The following LRRTM4 variants were observed in gnomAD, a reference collection of about 807,000 sequenced individuals.
The protein encoded by LRRTM4 is leucine-rich repeat transmembrane neuronal protein 4.
A neutral mutation model predicts 47.6 loss-of-function variants in LRRTM4; 25 were observed. That is an observed-to-expected ratio of 0.53 (90% CI 0.38 to 0.73). LRRTM4 has a LOEUF of 0.73. Among genes scored for constraint, LRRTM4 ranks in the 30% least tolerant of loss-of-function variants. The pLI is 0.00. For missense variants in LRRTM4, 638 were observed against 713.4 expected, an observed-to-expected ratio of 0.89 and a Z score of 1.20; for synonymous variants, 311 against 269.5, an observed-to-expected ratio of 1.15 and a Z score of -1.51.
At chr2:77,204,766 C>A (rs895859101) in intron 3 of LRRTM4, among the ~76,000 whole-genome samples, 1 of 152,128 alleles carries the variant, frequency 6.6e-6, no homozygotes, top group Admixed American at 6.6e-5. Flanking sequence ...AACTTATGTC[C>A]TACACCAGGC....
intron 3 of LRRTM4, among the ~76,000 whole-genome samples, chr2:76,912,855 C>A (rs1262136925): frequency 6.6e-6 from 1 of 152,178 alleles, no homozygotes; most frequent in Non-Finnish European, 1.5e-5. Flanking sequence ...CTAGCTCACC[C>A]TTTGCCTTCC....
intron 3 of LRRTM4, among the ~76,000 whole-genome samples, chr2:76,956,689 C>T (rs1352140312): frequency 6.7e-6 from 1 of 149,790 alleles, no homozygotes; most frequent in Non-Finnish European, 1.5e-5. Flanking sequence ...AATCAGTTGA[C>T]AAACCTTTAG....
chr2:77,206,517 C>T (rs1170628118), intron 3 of LRRTM4, among the ~76,000 whole-genome samples: 1 of 151,870 alleles, frequency 6.6e-6, no homozygotes, highest in Non-Finnish European at 1.5e-5. Context: ...CAGAGTCTCG[C>T]ACAGTCACCC....
intron 3 of LRRTM4, among the ~76,000 whole-genome samples, chr2:77,385,447 A>G (rs1286945486): frequency 6.6e-6 from 1 of 152,120 alleles, no homozygotes; most frequent in Non-Finnish European, 1.5e-5. Context: ...GGCTTTGAAA[A>G]TGTTTGTGTA....
At chr2:77,048,903 C>T (rs886419095) in intron 3 of LRRTM4, among the ~76,000 whole-genome samples, 2 of 151,220 alleles carry the variant, frequency 1.3e-5, no homozygotes, top group Non-Finnish European at 3.0e-5. Flanking sequence ...TTTAACCAAC[C>T]TCTGGCTATC....
At chr2:77,119,976 A>T (rs1411846161) in intron 3 of LRRTM4, among the ~76,000 whole-genome samples, 2 of 151,916 alleles carry the variant, frequency 1.3e-5, no homozygotes, top group East Asian at 3.9e-4. Flanking sequence ...GCCCTAACAC[A>T]TAAATACCTA....
chr2:77,163,699 G>T (rs757470270), intron 3 of LRRTM4, among the ~76,000 whole-genome samples: 1 of 152,046 alleles, frequency 6.6e-6, no homozygotes, highest in Non-Finnish European at 1.5e-5. Context: ...ATTTCATATC[G>T]AGCCAAACTA....
rs146666130 is a variant in LRRTM4 at position 76,859,075 on chromosome 2, T to C, written c.1552-110159A>G. 4.2e-4 allele frequency among the ~76,000 whole-genome samples: 64 copies of C among 152,306 alleles called. No homozygotes were observed. In the East Asian group the frequency reaches 0.011, roughly 27 times the overall value. Reference sequence around the variant, plus strand: ...TGCTATTGAATTCACATTTAAAACATAGCTATATTTTCCAAATCAGTTTTC... The same window carrying C: ...TGCTATTGAATTCACATTTAAAACACAGCTATATTTTCCAAATCAGTTTTC... On this transcript the variant is annotated intron_variant, in intron 3 of 3. Transcript: ENST00000409884.
chr2:76,911,929 G>GC (rs1293711246), intron 3 of LRRTM4, among the ~76,000 whole-genome samples: 2 of 23,948 alleles, frequency 8.4e-5, no homozygotes, highest in Admixed American at 3.4e-4. Context: ...TGTGGTATGT[G>GC]CTTTTTGGGG....
At chr2:77,156,166 G>C (rs963164276) in intron 3 of LRRTM4, among the ~76,000 whole-genome samples, 1 of 151,824 alleles carries the variant, frequency 6.6e-6, no homozygotes. Context: ...CAGTTAAAAA[G>C]AATTATAATT....
chr2:77,093,080 C>G (rs1670700675), intron 3 of LRRTM4, among the ~76,000 whole-genome samples: 1 of 145,992 alleles, frequency 6.8e-6, no homozygotes, highest in Non-Finnish European at 1.5e-5. Context: ...CCAACTTAGA[C>G]TGTGCCCCAA....
intron 3 of LRRTM4, among the ~76,000 whole-genome samples, chr2:77,469,381 G>A (rs1351329278): frequency 1.3e-5 from 2 of 151,062 alleles, no homozygotes; most frequent in Non-Finnish European, 2.9e-5. Context: ...TGTCAGGGGG[G>A]CAGGAAAAAA....
intron 3 of LRRTM4, among the ~76,000 whole-genome samples, chr2:76,804,106 A>G (rs1675841740): frequency 6.6e-6 from 1 of 152,024 alleles, no homozygotes; most frequent in Admixed American, 6.6e-5. Flanking sequence ...GCTTTGTGCC[A>G]TTTTGCTGCA....
At chr2:77,029,639 A>T (rs560121850) in intron 3 of LRRTM4, among the ~76,000 whole-genome samples, 1 of 152,358 alleles carries the variant, frequency 6.6e-6, no homozygotes, top group East Asian at 1.9e-4. Context: ...GATGAATGTC[A>T]GAAATGAAAA....
At chr2:76,873,045 T>G (rs1672671655) in intron 3 of LRRTM4, among the ~76,000 whole-genome samples, 1 of 152,098 alleles carries the variant, frequency 6.6e-6, no homozygotes, top group Admixed American at 6.6e-5. Flanking sequence ...AATAAACCTC[T>G]TACCTTTATA....
intron 3 of LRRTM4, among the ~76,000 whole-genome samples, chr2:77,278,022 G>T (rs911662616): frequency 4.6e-5 from 7 of 151,908 alleles, no homozygotes; most frequent in Non-Finnish European, 8.8e-5. Flanking sequence ...AACTGCTGCT[G>T]CAAAGTCACA....
intron 3 of LRRTM4, among the ~76,000 whole-genome samples, chr2:77,282,667 T>C (rs1676538804): frequency 1.3e-5 from 2 of 151,778 alleles, no homozygotes; most frequent in East Asian, 1.9e-4. Flanking sequence ...TGGAACAGAA[T>C]AGAAAACCCG....
chr2:77,082,482 C>A (rs1680564340), intron 3 of LRRTM4, among the ~76,000 whole-genome samples: 1 of 151,968 alleles, frequency 6.6e-6, no homozygotes, highest in African/African-American at 2.4e-5. Flanking sequence ...ACAACTTCTG[C>A]TGTTGAGGAC....
At chr2:77,341,081 A>G (rs1367676852) in intron 3 of LRRTM4, among the ~76,000 whole-genome samples, 1 of 151,946 alleles carries the variant, frequency 6.6e-6, no homozygotes, top group Non-Finnish European at 1.5e-5. Flanking sequence ...TATCTAGAAC[A>G]GAAGAGTCCG....
Sources: gnomAD v4.1 joint callset for allele counts (sites outside exome capture counted in the v4.1 genomes callset) on GRCh38, gnomAD v4.1.1 for gene constraint, MANE v1.5 for transcripts, NCBI Gene and HGNC (gene_info 2026-07-23, HGNC 2026-07-21) for gene names.